SYDE2: variants seen among roughly 807,000 people sequenced by gnomAD.
SYDE2 encodes the protein rho GTPase-activating protein SYDE2.
In SYDE2, 76 loss-of-function variants were observed where a neutral mutation model predicts 91.5. The ratio of observed to expected loss-of-function variants is 0.83; its 90% CI spans 0.69 to 1.01. The LOEUF is 1.01. SYDE2 is among the 50% of genes least tolerant of loss of function. The pLI is 0.00. For missense variants in SYDE2, 1,364 were observed against 1,367.7 expected (o/e 1.00, Z 0.04); for synonymous variants, 513 against 506.4 (o/e 1.01, Z -0.18).
At chr1:85,167,864 A>G (rs1411110935) in intron 5 of SYDE2, among the ~76,000 whole-genome samples, 1 of 152,148 alleles carries the variant, frequency 6.6e-6, no homozygotes, top group East Asian at 1.9e-4. Flanking sequence ...CTGTAATCAC[A>G]GTACTTTGAG....
chr1:85,155,423 G>C (rs1023453029), downstream of SYDE2, among the ~76,000 whole-genome samples: 1 of 152,168 alleles, frequency 6.6e-6, no homozygotes. Context: ...AGGATCGCTT[G>C]AGCCTACAAA....
rs1656909913 is a variant in SYDE2, at chr1:85,157,545, TC to T, written c.*1204del. 1 of 152,148 alleles carries T rather than the reference TC, an allele frequency of 6.6e-6. No individual in the cohort carries two copies. The highest frequency in any genetic ancestry group is 2.4e-5 in the African/African-American group (1 of 41,456). 9.4% of individuals were successfully genotyped at this position (152,148 alleles called of 1,614,324 possible). A position where few individuals can be genotyped will look rare whatever the true frequency, so the allele number is the denominator to read the frequency against. ...CAGGAGCAGATTTATTAAATCTAAGTCACCAGTGCAGAAATCTGGGTACTTA... is the reference window on the plus strand; with the variant it reads ...CAGGAGCAGATTTATTAAATCTAAGTACCAGTGCAGAAATCTGGGTACTTA... On this transcript the variant is annotated 3_prime_UTR_variant, in exon 7 of 7. Transcript: ENST00000341460.
At position 85,157,663 on chromosome 1, in the gene SYDE2, T is replaced by C. The variant is rs1571219681; in HGVS notation, c.*1087A>G. ...CTGTGAATAAAGGAAAGAAAGTCTATTATTTCTATTCAGATGCTTCTAGAG... is the reference window on the plus strand; with the variant it reads ...CTGTGAATAAAGGAAAGAAAGTCTACTATTTCTATTCAGATGCTTCTAGAG... On this transcript the variant is annotated 3_prime_UTR_variant, in exon 7 of 7. Transcript: ENST00000341460. 1 of 152,314 alleles carries C rather than the reference T, an allele frequency of 6.6e-6. No individual in the cohort carries two copies. Among genetic ancestry groups the C allele is most frequent in the East Asian group, 1.9e-4 (1 of 5,186 alleles). 9.4% of individuals were successfully genotyped at this position (152,314 alleles called of 1,614,324 possible). A position where few individuals can be genotyped will look rare whatever the true frequency, so the allele number is the denominator to read the frequency against.
At chr1:85,196,995 G>A (rs1029140674) in intron 1 of SYDE2, among the ~76,000 whole-genome samples, 1 of 152,048 alleles carries the variant, frequency 6.6e-6, no homozygotes, top group African/African-American at 2.4e-5. Context: ...GTCAAAGTAG[G>A]CTAATTATTT....
At chr1:85,200,212 A>C in intron 1 of SYDE2, 40 bp downstream of exon 1, 3 of 1,612,970 alleles carry the variant, frequency 1.9e-6, no homozygotes, top group Non-Finnish European at 2.5e-6. Context: ...GTAAACAGTA[A>C]GGCTCGCGGT....
downstream of SYDE2, chr1:85,153,751 G>C (rs12030583): frequency 1.3e-5 from 2 of 151,984 alleles, no homozygotes; most frequent in African/African-American, 2.4e-5. Flanking sequence ...TGACGACCTA[G>C]CCTCTCTTAG....
At chr1:85,153,608 G>A (rs942756703), downstream of SYDE2, 2 of 152,112 alleles carry the variant, frequency 1.3e-5, no homozygotes, top group African/African-American at 4.8e-5. Context: ...TTCTGTCTGG[G>A]ACTGTGAATC....
At chr1:85,195,774 T>G (rs112047963) in intron 1 of SYDE2, among the ~76,000 whole-genome samples, 15 of 152,326 alleles carry the variant, frequency 9.8e-5, no homozygotes, top group South Asian at 4.1e-4. Flanking sequence ...CTTCGACCTT[T>G]TCACTCTCCA....
Position 85,171,127 on chromosome 1 carries a change from T to C in SYDE2, c.2672-1902A>G, listed in dbSNP as rs79092983. 2.4e-3 allele frequency among the ~76,000 whole-genome samples: 373 copies of C among 152,246 alleles called. 2 individuals carry two copies. Among genetic ancestry groups the C allele is most frequent in the African/African-American group, 8.5e-3 (355 of 41,536 alleles). On this transcript the variant is annotated intron_variant, in intron 4 of 6. Coordinates refer to ENST00000341460, the MANE Select transcript of SYDE2 (RefSeq NM_032184.2). ...AGAGAAGAGTTTCATTTTGAACATA[T>C]GGAGCTTAAGGTATCTATGGGGCAT...
chr1:85,189,539 T>C (rs1453917245), intron 2 of SYDE2, among the ~76,000 whole-genome samples: 1 of 152,172 alleles, frequency 6.6e-6, no homozygotes, highest in Non-Finnish European at 1.5e-5. Flanking sequence ...CACCAGATTA[T>C]AAAGTCAAGT....
chr1:85,191,037 C>T (rs765125262), intron 1 of SYDE2, among the ~76,000 whole-genome samples: 3 of 151,882 alleles, frequency 2.0e-5, no homozygotes, highest in Non-Finnish European at 2.9e-5. Context: ...AAGCCTTACC[C>T]TAAGCAAAAC....
At chr1:85,188,425 T>C (rs1016522902) in intron 2 of SYDE2, among the ~76,000 whole-genome samples, 8 of 152,216 alleles carry the variant, frequency 5.3e-5, no homozygotes, top group Non-Finnish European at 1.0e-4. Flanking sequence ...CATCATACAG[T>C]ACACATTGTT....
intron 4 of SYDE2, among the ~76,000 whole-genome samples, chr1:85,171,320 G>A (rs1657499456): frequency 6.6e-6 from 1 of 152,156 alleles, no homozygotes; most frequent in African/African-American, 2.4e-5. Context: ...CAACTTTCCA[G>A]GGGTCATCAG....
In SYDE2 at chr1:85,169,091, A is replaced by T. The variant is rs770393921; in HGVS notation, c.2806T>A (p.Ser936Thr). 1 of 1,613,928 alleles carries T rather than the reference A, an allele frequency of 6.2e-7. No homozygotes were observed. Among genetic ancestry groups the T allele is most frequent in the South Asian group, 1.1e-5 (1 of 91,082 alleles). Residue 936 changes from serine (S) to threonine (T), a missense_variant, in exon 5 of 7, where the codon TCT (serine) becomes ACT (threonine). Physicochemically the swap from Ser to Thr is moderately conservative, Grantham distance 58 (BLOSUM62 1). Transcript: ENST00000341460. Reference sequence around the variant, plus strand: ...TCCAGCAGGTCAACAGTGTACTTAGAGTCACCTGGGTCATTCTCACAACCA... The same window carrying T: ...TCCAGCAGGTCAACAGTGTACTTAGTGTCACCTGGGTCATTCTCACAACCA... The part of the protein sequence containing the change: ...SNGCENDPGD[S>T]KYTVDLLDCL...
At chr1:85,171,337 G>T (rs555190467) in intron 4 of SYDE2, among the ~76,000 whole-genome samples, 2 of 152,198 alleles carry the variant, frequency 1.3e-5, no homozygotes, top group Admixed American at 1.3e-4. Context: ...TCAGGGAAGA[G>T]GATCTTCCAG....
chr1:85,170,655 A>G (rs1657468790), intron 4 of SYDE2, among the ~76,000 whole-genome samples: 1 of 152,214 alleles, frequency 6.6e-6, no homozygotes, highest in Non-Finnish European at 1.5e-5. Flanking sequence ...CAAAACCCAA[A>G]GAAATCAGAA....
At chr1:85,173,776 A>G (rs748543165) in intron 4 of SYDE2, among the ~76,000 whole-genome samples, 14 of 152,250 alleles carry the variant, frequency 9.2e-5, no homozygotes, top group Non-Finnish European at 1.8e-4. Flanking sequence ...AAACCAACCC[A>G]GAAAAGACAT....
chr1:85,192,222 A>C (rs1159906289), intron 1 of SYDE2, among the ~76,000 whole-genome samples: 1 of 152,162 alleles, frequency 6.6e-6, no homozygotes. Flanking sequence ...AGCCTGGGCA[A>C]CATGGCAAGA....
intron 1 of SYDE2, among the ~76,000 whole-genome samples, chr1:85,194,518 C>G (rs915883471): frequency 6.7e-6 from 1 of 148,810 alleles, no homozygotes; most frequent in African/African-American, 2.4e-5. Flanking sequence ...TATATACACA[C>G]ACACATATTG....
Sources: allele counts gnomAD v4.1 joint callset (sites outside exome capture counted in the v4.1 genomes callset), GRCh38; gene constraint gnomAD v4.1.1; transcripts MANE v1.5; gene names NCBI Gene and HGNC (gene_info 2026-07-23, HGNC 2026-07-21).